Variants in RIPOR2 observed in about 807,000 individuals in gnomAD.
RIPOR2 encodes the protein RHO family interacting cell polarization regulator 2, also known as rho family-interacting cell polarization regulator 2.
In RIPOR2, 39 loss-of-function variants were observed where a neutral mutation model predicts 114.5. The observed-to-expected ratio is 0.34, with a 90% CI of 0.26 to 0.44. RIPOR2 has a LOEUF of 0.44. Ranked by LOEUF, RIPOR2 falls within the 20% of genes least tolerant of loss-of-function variation. RIPOR2 has a pLI of 1.00. For missense variants in RIPOR2, 1,007 were observed against 1,255.1 expected, an observed-to-expected ratio of 0.80 and a Z score of 2.99; for synonymous variants, 445 against 484.4, an observed-to-expected ratio of 0.92 and a Z score of 1.07.
chr6:24,973,502 C>T (rs1044074562), intron 1 of RIPOR2, among the ~76,000 whole-genome samples: 1 of 150,108 alleles, frequency 6.7e-6, no homozygotes, highest in Admixed American at 6.7e-5. Flanking sequence ...GAGGCTGAGG[C>T]AGGAGAATAG....
intron 1 of RIPOR2, among the ~76,000 whole-genome samples, chr6:24,886,132 T>G (rs752555324): frequency 6.6e-6 from 1 of 151,140 alleles, no homozygotes; most frequent in Non-Finnish European, 1.5e-5. Context: ...CTCCTCCAAA[T>G]ACACACACAC....
chr6:25,026,054 T>G (rs562372730), intron 1 of RIPOR2, among the ~76,000 whole-genome samples: 9 of 152,184 alleles, frequency 5.9e-5, no homozygotes, highest in Middle Eastern at 3.4e-3. Flanking sequence ...TGTTTTTTTT[T>G]TTTGTTTCTG....
chr6:24,807,236 GTGAGTGGA>G (rs1307404093), intron 21 of RIPOR2, among the ~76,000 whole-genome samples: 2 of 152,194 alleles, frequency 1.3e-5, no homozygotes, highest in African/African-American at 4.8e-5. Context: ...GGAAGCCAAG[GTGAGTGGA>G]TCACTTGAGG....
In RIPOR2 at chr6:24,934,673, G is replaced by A. The variant is rs142378479; in HGVS notation, c.61+1165C>T. 7.2e-5 allele frequency among the ~76,000 whole-genome samples: 11 copies of A among 152,168 alleles called. No individual in the cohort carries two copies. In the East Asian group the frequency reaches 9.6e-4, roughly 13 times the overall value. On this transcript the variant is annotated intron_variant, in intron 1 of 21. Coordinates refer to ENST00000643898, the MANE Select transcript of RIPOR2 (RefSeq NM_001286445.3). ...AAAATTGCTAGACGTAGTTTCTTGCGGAAAATAATCAAATTCACGAGATTC... is the reference window on the plus strand; with the variant it reads ...AAAATTGCTAGACGTAGTTTCTTGCAGAAAATAATCAAATTCACGAGATTC...
At chr6:25,033,532 A>G (rs1250249594) in intron 1 of RIPOR2, among the ~76,000 whole-genome samples, 1 of 152,222 alleles carries the variant, frequency 6.6e-6, no homozygotes, top group East Asian at 1.9e-4. Flanking sequence ...ACATCTGGGT[A>G]CTAAGTTGCT....
At chr6:25,007,939 G>A (rs1775622438) in intron 1 of RIPOR2, among the ~76,000 whole-genome samples, 1 of 151,858 alleles carries the variant, frequency 6.6e-6, no homozygotes, top group South Asian at 2.1e-4. Flanking sequence ...ATGTTTAGTG[G>A]CATCATCCCA....
At chr6:24,922,227 T>C (rs1347802817) in intron 1 of RIPOR2, among the ~76,000 whole-genome samples, 4 of 152,202 alleles carry the variant, frequency 2.6e-5, no homozygotes, top group African/African-American at 4.8e-5. Flanking sequence ...ATTATGCTAT[T>C]CATCTCTAGA....
chr6:24,810,903 C>A (rs6931983), intron 20 of RIPOR2, among the ~76,000 whole-genome samples: 112,714 of 151,548 alleles, frequency 0.74, 44,068 homozygotes, highest in East Asian at 0.88. Flanking sequence ...CTCCTGGGTT[C>A]AAGCGATTCT....
intron 1 of RIPOR2, among the ~76,000 whole-genome samples, chr6:24,921,640 T>A (rs1770496977): frequency 6.6e-6 from 1 of 151,244 alleles, no homozygotes; most frequent in African/African-American, 2.4e-5. Flanking sequence ...TTTTTTCCCA[T>A]AACACTTATC....
chr6:24,909,024 A>T (rs73400452), intron 1 of RIPOR2, among the ~76,000 whole-genome samples: 5,117 of 152,296 alleles, frequency 0.034, 101 homozygotes, highest in African/African-American at 0.05. Context: ...GGTCCTTTGG[A>T]AAAGCAACAT....
intron 1 of RIPOR2, among the ~76,000 whole-genome samples, chr6:24,974,224 G>A (rs1466518960): frequency 1.3e-5 from 2 of 151,912 alleles, no homozygotes; most frequent in African/African-American, 2.4e-5. Flanking sequence ...TCTCTGCAAG[G>A]AAAAAAATAA....
intron 1 of RIPOR2, among the ~76,000 whole-genome samples, chr6:24,927,201 A>AATC (rs1561782711): frequency 2.6e-5 from 1 of 37,782 alleles, no homozygotes; most frequent in African/African-American, 1.2e-4. Flanking sequence ...CCACAACTAC[A>AATC]AGCACCACCA....
intron 18 of RIPOR2, 27 bp downstream of exon 18, chr6:24,828,110 A>T: frequency 6.6e-7 from 1 of 1,521,490 alleles, no homozygotes; most frequent in Non-Finnish European, 8.8e-7. Flanking sequence ...AGCCACCACT[A>T]CAATGTGACA....
At chr6:24,992,134 A>T (rs186361153) in intron 1 of RIPOR2, among the ~76,000 whole-genome samples, 2 of 152,184 alleles carry the variant, frequency 1.3e-5, no homozygotes, top group South Asian at 2.1e-4. Context: ...AAAGCATTTG[A>T]TAATGGTTTT....
chr6:24,825,014 A>G (rs1366647536), intron 19 of RIPOR2, among the ~76,000 whole-genome samples: 1 of 152,270 alleles, frequency 6.6e-6, no homozygotes, highest in African/African-American at 2.4e-5. Flanking sequence ...ACAATCTGAA[A>G]GAAGAGGCAG....
intron 1 of RIPOR2, among the ~76,000 whole-genome samples, chr6:25,031,741 ATATATAT>A (rs1561855881): frequency 1.7e-4 from 15 of 88,658 alleles, no homozygotes; most frequent in Non-Finnish European, 2.7e-4. Context: ...ATATATATAT[ATATATAT>A]ATAAAATATC....
At chr6:25,038,339 G>A (rs1164050901) in intron 1 of RIPOR2, among the ~76,000 whole-genome samples, 1 of 152,220 alleles carries the variant, frequency 6.6e-6, no homozygotes, top group Admixed American at 6.5e-5. Context: ...GTATAAATAT[G>A]ATGAGATTTT....
At chr6:24,919,449 T>C (rs184155595) in intron 1 of RIPOR2, among the ~76,000 whole-genome samples, 219 of 152,282 alleles carry the variant, frequency 1.4e-3, no homozygotes, top group Non-Finnish European at 2.3e-3. Context: ...CTCCAAGCAA[T>C]CCCATATTAA....
At chr6:24,934,541 C>A (rs561282423) in intron 1 of RIPOR2, among the ~76,000 whole-genome samples, 6 of 152,138 alleles carry the variant, frequency 3.9e-5, no homozygotes, top group African/African-American at 1.4e-4. Context: ...GGGTTCTTTG[C>A]GACACTCTAA....
Sources: allele counts gnomAD v4.1 joint callset (sites outside exome capture counted in the v4.1 genomes callset), GRCh38; gene constraint gnomAD v4.1.1; transcripts MANE v1.5; gene names NCBI Gene and HGNC (gene_info 2026-07-23, HGNC 2026-07-21).